The following MRPL46 variants were observed in gnomAD, a reference collection of about 807,000 sequenced individuals.
MRPL46 encodes the protein large ribosomal subunit protein mL46.
MRPL46 carries 26 observed loss-of-function variants against 31.0 expected under a neutral mutation model. That is an observed-to-expected ratio of 0.84 (90% CI 0.61 to 1.16). The LOEUF (loss-of-function observed/expected upper bound fraction) is 1.16, where lower values mean the gene tolerates loss of function less well. Ranked by LOEUF, MRPL46 falls within the 50% of genes most tolerant of loss-of-function variation. The probability of loss-of-function intolerance (pLI) is 0.00; values close to 1 mark genes in which losing one functional copy is unlikely to be tolerated. For missense variants in MRPL46, 395 were observed against 340.0 expected (o/e 1.16, Z -1.27); for synonymous variants, 159 against 141.3 (o/e 1.13, Z -0.89).
Position 88,459,791 on chromosome 15 carries a change from A to T in MRPL46, c.662T>A (p.Met221Lys). The T allele has an allele frequency of 6.2e-7, 1 of 1,614,212 alleles. No individual in the cohort carries two copies. Among genetic ancestry groups the T allele is most frequent in the Non-Finnish European group, 8.5e-7 (1 of 1,180,042 alleles). Residue 221 changes from methionine to lysine, a missense_variant, in exon 4 of 4, where the codon ATG (methionine) becomes AAG (lysine). Coordinates refer to ENST00000312475, the MANE Select transcript of MRPL46 (RefSeq NM_022163.4). ...GGCTCCGAGGTTACTCTCTGTCCGC[A>T]TTGCCTGGGGGAACTTGAATGTGTA... ...GHYTFKFPQA[M>K]RTESNLGAKV... is the part of the protein sequence containing the mutation.
intron 3 of MRPL46, 72 bp downstream of exon 3, chr15:88,464,631 A>G: frequency 7.5e-7 from 1 of 1,332,232 alleles, no homozygotes; most frequent in Non-Finnish European, 1.0e-6. Flanking sequence ...CCAATTCCCC[A>G]GTCAGCCTAA....
At position 88,467,339 on chromosome 15, in the gene MRPL46, C is replaced by G; in HGVS notation, c.39G>C (p.Ala13=). 1 of 1,601,928 alleles carries G rather than the reference C, an allele frequency of 6.2e-7. No homozygotes were observed. ...APVRRTLLGV[A]GGWRRFERLW... is the part of the protein sequence containing the mutation. ...GCCTCTCGAACCGCCGCCAACCCCC[C>G]GCCACCCCTAACAGCGTCCGCCTTA... is the stretch of plus-strand genomic sequence containing the variant. The change falls in exon 1 of 4, where the codon GCG becomes GCC. Residue 13 remains alanine (A), a synonymous_variant. Transcript: ENST00000312475.
In MRPL46 at chr15:88,464,877, C is replaced by G; in HGVS notation, c.416-1G>C. ...GTTCGGTCATTCTTTTCATCAGCTT[C>G]TACAGCAAAGGGGGTCAGAGGAGGT... On this transcript the variant is annotated splice_acceptor_variant, in intron 2 of 3. Transcript: ENST00000312475. LOFTEE classifies it high-confidence loss of function. 1 of 1,613,576 alleles carries G rather than the reference C, an allele frequency of 6.2e-7. No homozygotes were observed. The highest frequency in any genetic ancestry group is 1.7e-5 in the Admixed American group (1 of 59,972).
intron 3 of MRPL46, chr15:88,462,940 C>T (rs910924520): frequency 9.9e-5 from 15 of 152,276 alleles, no homozygotes; most frequent in African/African-American, 3.6e-4. Flanking sequence ...TTACTTATTA[C>T]AATGGCAATG....
Position 88,459,536 on chromosome 15 carries a change from T to C in MRPL46, c.*77A>G. On this transcript the variant is annotated 3_prime_UTR_variant, in exon 4 of 4. Coordinates refer to ENST00000312475, the MANE Select transcript of MRPL46 (RefSeq NM_022163.4). ...TTTGCTGCTTGATATTACCTGCAAA[T>C]GTGAGGCAATCACACAATGTCCTTG... 1.9e-6 allele frequency: 3 copies of C among 1,578,500 alleles called. No individual in the cohort carries two copies. Among genetic ancestry groups the C allele is most frequent in the African/African-American group, 1.4e-5 (1 of 73,934 alleles).
rs768892557 is a variant in MRPL46, at chr15:88,464,856, G to A, written c.436C>T (p.Arg146Ter). 68 of 1,613,588 alleles carry A rather than the reference G, an allele frequency of 4.2e-5. No individual in the cohort carries two copies. Among genetic ancestry groups the A allele is most frequent in the Non-Finnish European group, 4.6e-5 (54 of 1,179,842 alleles). ...TCTAGCTTCCTGTTCAGGGATGTTCGGTCATTCTTTTCATCAGCTTCTACA... is the reference window on the plus strand; with the variant it reads ...TCTAGCTTCCTGTTCAGGGATGTTCAGTCATTCTTTTCATCAGCTTCTACA... ...RITEADEKNDRTSLNRKLDRN... is the reference protein window; with the variant it reads ...RITEADEKND The change falls in exon 3 of 4, where the codon CGA (arginine) becomes TGA (stop). Residue 146 changes from arginine (R) to a stop codon, truncating the protein, a stop_gained. Coordinates refer to ENST00000312475, the MANE Select transcript of MRPL46 (RefSeq NM_022163.4). LOFTEE classifies it high-confidence loss of function.
At chr15:88,466,106 A>G (rs1264811145) in intron 1 of MRPL46, among the ~76,000 whole-genome samples, 1 of 152,180 alleles carries the variant, frequency 6.6e-6, no homozygotes, top group Non-Finnish European at 1.5e-5. Flanking sequence ...TCACTCACCA[A>G]GGACTTTCCT....
At chr15:88,465,850 C>T in intron 1 of MRPL46, 77 bp from the exon 2 acceptor site, 1 of 1,367,020 alleles carries the variant, frequency 7.3e-7, no homozygotes. Context: ...AAGAATAAAA[C>T]AGAGACATGG....
chr15:88,467,253 C>G lies in MRPL46; in HGVS notation c.125G>C (p.Gly42Ala), dbSNP rs768130718. Residue 42 changes from glycine (G) to alanine (A), a missense_variant, in exon 1 of 4, where the codon GGA (glycine) becomes GCA (alanine). Physicochemically the swap from Gly to Ala is moderately conservative, Grantham distance 60. Transcript: ENST00000312475. ...CGCGCCCAACAAGCGCCATGGGGAT[C>G]CGTTGCTTGAGGGTGCGGCTGCAAG... ...LALAAAPSSN[G>A]SPWRLLGALC... 7 of 1,614,096 alleles carry G rather than the reference C, an allele frequency of 4.3e-6. No homozygotes were observed. Among genetic ancestry groups the G allele is most frequent in the East Asian group, 2.2e-5 (1 of 44,876 alleles).
chr15:88,459,996 T>A, intron 3 of MRPL46, 133 bp from the exon 4 acceptor site: 1 of 1,135,076 alleles, frequency 8.8e-7, no homozygotes, highest in Non-Finnish European at 1.2e-6. Context: ...GGAATAGGAC[T>A]AGAGCCATTC....
intron 3 of MRPL46, 108 bp from the exon 4 acceptor site, chr15:88,459,971 T>C: frequency 2.2e-6 from 3 of 1,378,584 alleles, no homozygotes; most frequent in Non-Finnish European, 2.0e-6. Flanking sequence ...GGCCCTGAGG[T>C]AAAATCAATC....
chr15:88,460,335 C>CA (rs1400943957), intron 3 of MRPL46: 10 of 163,160 alleles, frequency 6.1e-5, no homozygotes, highest in Non-Finnish European at 1.3e-4. Flanking sequence ...AGGACGAGGA[C>CA]ATTTGGTCTG....
At chr15:88,462,067 G>A (rs1205057074) in intron 3 of MRPL46, 1 of 152,070 alleles carries the variant, frequency 6.6e-6, no homozygotes, top group East Asian at 1.9e-4. Context: ...AATAGAGGTT[G>A]CTTCTGAAAA....
chr15:88,465,414 C>T (rs1372528326), intron 2 of MRPL46, 173 bp downstream of exon 2: 19 of 670,476 alleles, frequency 2.8e-5, no homozygotes, highest in South Asian at 1.3e-4. Flanking sequence ...ACCTCTCACC[C>T]GAAAATAAGA....
rs1474761113 is a variant in MRPL46, at chr15:88,465,578, G to A, written c.415+9C>T. On this transcript the variant is annotated intron_variant, in intron 2 of 3. Transcript: ENST00000312475. The stretch of plus-strand genomic sequence containing the variant: ...CCCTTCCTTCTGGCTGGCCTAAAAG[G>A]ATCACAACCTGTTATGCGAGCTCCA... 4 of 1,587,796 alleles carry A rather than the reference G, an allele frequency of 2.5e-6. No homozygotes were observed. Among genetic ancestry groups the A allele is most frequent in the East Asian group, 2.3e-5 (1 of 44,142 alleles).
At chr15:88,466,052 G>C (rs2055527521) in intron 1 of MRPL46, among the ~76,000 whole-genome samples, 1 of 152,204 alleles carries the variant, frequency 6.6e-6, no homozygotes, top group African/African-American at 2.4e-5. Flanking sequence ...GGCAATGCCT[G>C]CTGACTCACC....
intron 3 of MRPL46, 88 bp from the exon 4 acceptor site, chr15:88,459,951 T>G: frequency 1.3e-6 from 2 of 1,510,012 alleles, no homozygotes; most frequent in Non-Finnish European, 1.8e-6. Flanking sequence ...AGGGGGTCCC[T>G]GCAAGATCTG....
rs1478633094 is a variant in MRPL46, at chr15:88,463,933, GA to G, written c.589+769del. The stretch of plus-strand genomic sequence containing the variant: ...GAAGTGACAAGGGATGTGTGTTTCA[GA>G]AAGCTCATTTTGGCAGCACTGAAGG... On this transcript the variant is annotated intron_variant, in intron 3 of 3. Coordinates refer to ENST00000312475, the MANE Select transcript of MRPL46 (RefSeq NM_022163.4). This position sits in a 1 kb window ranked among gnomAD's most constrained non-coding sequence, Gnocchi z 5.4. The G allele has an allele frequency of 4.6e-5, 7 of 152,324 alleles. No individual in the cohort carries two copies. The highest frequency in any genetic ancestry group is 2.0e-4 in the Admixed American group (3 of 15,304). 9.4% of individuals were successfully genotyped at this position (152,324 alleles called of 1,614,324 possible).
intron 1 of MRPL46, among the ~76,000 whole-genome samples, chr15:88,466,427 G>A (rs527737575): frequency 1.3e-5 from 2 of 152,166 alleles, no homozygotes; most frequent in Non-Finnish European, 2.9e-5. Context: ...CACTCAACTA[G>A]ACTGAAGTAC....
Sources: allele counts gnomAD v4.1 joint callset (sites outside exome capture counted in the v4.1 genomes callset), GRCh38; gene constraint gnomAD v4.1.1; non-coding constraint Gnocchi (gnomAD v3.1); transcripts MANE v1.5; gene names NCBI Gene and HGNC (gene_info 2026-07-23, HGNC 2026-07-21).